Variants in SAP130 observed in about 807,000 individuals in gnomAD.
SAP130 encodes histone deacetylase complex subunit SAP130.
SAP130 carries 16 observed loss-of-function variants against 103.2 expected under a neutral mutation model. The ratio of observed to expected loss-of-function variants is 0.16; its 90% CI spans 0.10 to 0.24. The LOEUF (loss-of-function observed/expected upper bound fraction) is 0.24, where lower values mean the gene tolerates loss of function less well. Ranked by LOEUF, SAP130 falls within the 10% of genes least tolerant of loss-of-function variation. SAP130 has a pLI of 1.00. For missense variants in SAP130, 990 were observed against 1,359.7 expected (o/e 0.73, Z 4.28); for synonymous variants, 477 against 497.0 (o/e 0.96, Z 0.53).
intron 7 of SAP130, among the ~76,000 whole-genome samples, chr2:128,009,017 T>C (rs1684192262): frequency 6.6e-6 from 1 of 152,016 alleles, no homozygotes; most frequent in African/African-American, 2.4e-5. Flanking sequence ...AATCAAAGTA[T>C]AAAACTCCTT....
At chr2:127,963,370 C>T (rs558717605) in intron 15 of SAP130, among the ~76,000 whole-genome samples, 1 of 152,248 alleles carries the variant, frequency 6.6e-6, no homozygotes, top group South Asian at 2.1e-4. Context: ...GCCAGGACCA[C>T]AGGTGCGTGC....
chr2:128,021,079 AATTTT>A (rs1685118825), intron 2 of SAP130, among the ~76,000 whole-genome samples: 1 of 152,140 alleles, frequency 6.6e-6, no homozygotes, highest in Non-Finnish European at 1.5e-5. Flanking sequence ...GTTATTTCCA[AATTTT>A]TGCTTTTATC....
chr2:127,961,387 A>G (rs546773204), intron 15 of SAP130, among the ~76,000 whole-genome samples: 92 of 151,160 alleles, frequency 6.1e-4, no homozygotes, highest in African/African-American at 2.1e-3. Flanking sequence ...AGCTCAACTG[A>G]TCCTCCCATC....
chr2:127,999,046 G>C (rs559502767), intron 10 of SAP130, among the ~76,000 whole-genome samples: 1 of 152,146 alleles, frequency 6.6e-6, no homozygotes, highest in African/African-American at 2.4e-5. Flanking sequence ...AATTCAGAAG[G>C]TTACGGGAAA....
chr2:128,006,246 T>G (rs1382020042), intron 7 of SAP130, among the ~76,000 whole-genome samples: 2 of 152,210 alleles, frequency 1.3e-5, no homozygotes, highest in African/African-American at 4.8e-5. Flanking sequence ...ACGTAAACTT[T>G]CAAAATATTG....
At chr2:127,960,395 A>T (rs1348663759) in intron 15 of SAP130, among the ~76,000 whole-genome samples, 1 of 152,130 alleles carries the variant, frequency 6.6e-6, no homozygotes, top group Non-Finnish European at 1.5e-5. Flanking sequence ...TCAAGGAGGG[A>T]TATGATCAAG....
Position 127,955,082 on chromosome 2 carries a change from C to T in SAP130, c.2326G>A (p.Val776Met), listed in dbSNP as rs112429524. The change falls in exon 16 of 21, where the codon GTG (valine) becomes ATG (methionine). Residue 776 changes from valine to methionine, a missense_variant. Transcript: ENST00000643581. This position sits in a 1 kb window ranked among gnomAD's most constrained non-coding sequence, Gnocchi z 4.9. ...AAGACGGAGGAAAGACTGCCACCCA[C>T]AGTGACTGATGGAGGTGGTGCAGCT... The part of the protein sequence containing the change: ...IAAAPPPSVT[V>M]GGSLSSVLGP... The T allele has an allele frequency of 1.9e-6, 3 of 1,614,198 alleles. No homozygotes were observed. The highest frequency in any genetic ancestry group is 2.5e-6 in the Non-Finnish European group (3 of 1,180,026).
chr2:128,016,248 C>A, intron 4 of SAP130, 141 bp downstream of exon 4: 1 of 834,748 alleles, frequency 1.2e-6, no homozygotes. Flanking sequence ...TCTCTCAAAC[C>A]TACTATCTTC....
At chr2:127,973,040 C>T (rs968597966) in intron 15 of SAP130, among the ~76,000 whole-genome samples, 1 of 152,186 alleles carries the variant, frequency 6.6e-6, no homozygotes, top group African/African-American at 2.4e-5. Context: ...GGGAAACAGT[C>T]ACTTTTTCTG....
chr2:127,951,844 C>T (rs1679516514), intron 16 of SAP130, among the ~76,000 whole-genome samples: 1 of 152,148 alleles, frequency 6.6e-6, no homozygotes, highest in African/African-American at 2.4e-5. Context: ...CTCAAACACT[C>T]GATGCCTCCT....
chr2:127,967,840 C>A (rs923022850), intron 15 of SAP130, among the ~76,000 whole-genome samples: 2 of 152,212 alleles, frequency 1.3e-5, no homozygotes, highest in Non-Finnish European at 2.9e-5. Flanking sequence ...AGTGATTGTA[C>A]ATTCTTCTCG....
intron 2 of SAP130, among the ~76,000 whole-genome samples, chr2:128,022,012 A>G (rs748370196): frequency 6.6e-5 from 10 of 152,220 alleles, no homozygotes; most frequent in South Asian, 2.1e-4. Flanking sequence ...GTAACATTAG[A>G]TAAGTGTTCG....
rs1277718605 is a variant in SAP130 at position 127,955,138 on chromosome 2, A to C, written c.2270T>G (p.Val757Gly). Residue 757 changes from valine to glycine, a missense_variant, in exon 16 of 21, where the codon GTC becomes GGC. Physicochemically the swap from Val to Gly is moderately radical, Grantham distance 109. This residue lies in a region of SAP130 where 349 missense variants were observed against 384.1 expected (regional missense o/e 0.91). Transcript: ENST00000643581. This position sits in a 1 kb window ranked among gnomAD's most constrained non-coding sequence, Gnocchi z 4.9. ...AVALSTIPGA[V>G]PITPPITTIA... ...GGTGGTGATGGGTGGAGTGATGGGG[A>C]CCGCTCCAGGAATGGTTGAAAGGGC... 6.2e-7 allele frequency: 1 copy of C among 1,614,042 alleles called. No individual in the cohort carries two copies. The highest frequency in any genetic ancestry group is 1.3e-5 in the African/African-American group (1 of 74,994).
chr2:127,982,815 G>GA (rs1682048822), intron 14 of SAP130, among the ~76,000 whole-genome samples: 2 of 152,198 alleles, frequency 1.3e-5, no homozygotes, highest in Admixed American at 1.3e-4. Flanking sequence ...GAAGAGCAGA[G>GA]AAAGAGGCCA....
intron 14 of SAP130, among the ~76,000 whole-genome samples, chr2:127,981,895 A>G (rs968773395): frequency 6.6e-6 from 1 of 152,048 alleles, no homozygotes; most frequent in Non-Finnish European, 1.5e-5. Context: ...ACCCTGCTAT[A>G]GTCTGTAAGG....
chr2:127,967,222 T>C (rs1161298968), intron 15 of SAP130, among the ~76,000 whole-genome samples: 2 of 152,182 alleles, frequency 1.3e-5, no homozygotes, highest in East Asian at 1.9e-4. Flanking sequence ...ACAATGTACA[T>C]TTTAACTTCT....
chr2:127,958,499 A>G (rs572427450), intron 15 of SAP130, among the ~76,000 whole-genome samples: 1 of 152,386 alleles, frequency 6.6e-6, no homozygotes, highest in South Asian at 2.1e-4. Flanking sequence ...AAATGAACAC[A>G]TAAGATATAA....
At chr2:127,962,294 C>A (rs1298310835) in intron 15 of SAP130, among the ~76,000 whole-genome samples, 6 of 152,210 alleles carry the variant, frequency 3.9e-5, no homozygotes, top group African/African-American at 1.4e-4. Context: ...TTATGGACCA[C>A]TGATACTTCT....
Position 127,949,753 on chromosome 2 carries a change from C to A in SAP130, c.2797+116G>T, listed in dbSNP as rs370377476. Reference sequence around the variant, plus strand: ...ACACTAAAGCCTCAAGATTTTGTAACAAAAACTTATGGTTTTTTTGAAACC... The same window carrying A: ...ACACTAAAGCCTCAAGATTTTGTAAAAAAAACTTATGGTTTTTTTGAAACC... On this transcript the variant is annotated intron_variant, in intron 18 of 20. Coordinates refer to ENST00000643581, the MANE Select transcript of SAP130 (RefSeq NM_001330301.2). The A allele has an allele frequency of 2.0e-5, 22 of 1,126,654 alleles. No individual in the cohort carries two copies. The East Asian group carries it at 2.5e-4, about 13-fold the overall frequency. 69.8% of individuals were successfully genotyped at this position (1,126,654 alleles called of 1,614,324 possible).
Sources: allele counts gnomAD v4.1 joint callset (sites outside exome capture counted in the v4.1 genomes callset), GRCh38; gene constraint gnomAD v4.1.1; regional missense constraint gnomAD v4.1.1; non-coding constraint Gnocchi (gnomAD v3.1); transcripts MANE v1.5; gene names NCBI Gene and HGNC (gene_info 2026-07-23, HGNC 2026-07-21).